UTS2B: variants seen among roughly 807,000 people sequenced by gnomAD.
The protein encoded by UTS2B is urotensin-2B.
Under a neutral mutation model 19.2 loss-of-function variants are expected in UTS2B, and 21 were observed. The observed-to-expected ratio is 1.09, with a 90% CI of 0.78 to 1.58. The LOEUF (loss-of-function observed/expected upper bound fraction) is 1.58. UTS2B is among the 40% of genes most tolerant of loss of function. The probability of loss-of-function intolerance (pLI) is 0.00; values close to 1 mark genes in which losing one functional copy is unlikely to be tolerated. For synonymous variants in UTS2B, 57 were observed against 50.2 expected (o/e 1.14, Z -0.58); for missense variants, 138 against 130.3 (o/e 1.06, Z -0.29).
At chr3:191,334,151 CAT>C (rs1203310107), upstream of UTS2B, among the ~76,000 whole-genome samples, 1 of 152,140 alleles carries the variant, frequency 6.6e-6, no homozygotes, top group East Asian at 1.9e-4. Context: ...CTGTGTGCCA[CAT>C]GTTGTGTTGA....
intron 4 of UTS2B, among the ~76,000 whole-genome samples, chr3:191,288,435 C>A (rs2603670): frequency 0.51 from 76,831 of 151,894 alleles, 21,167 homozygotes; most frequent in Middle Eastern, 0.63. Flanking sequence ...GATAAATAGA[C>A]AAATGGAATA....
At chr3:191,277,818 C>A (rs972763570) in intron 6 of UTS2B, among the ~76,000 whole-genome samples, 58 of 151,572 alleles carry the variant, frequency 3.8e-4, no homozygotes, top group African/African-American at 1.3e-3. Context: ...ATAAAGGTAA[C>A]CTTTTTTTTT....
At chr3:191,285,119 G>A (rs916850276) in intron 4 of UTS2B, among the ~76,000 whole-genome samples, 2 of 152,162 alleles carry the variant, frequency 1.3e-5, no homozygotes, top group African/African-American at 2.4e-5. Flanking sequence ...GTTAAAAATA[G>A]TGCTTTAGAT....
At chr3:191,321,211 G>C (rs2108613077) in intron 2 of UTS2B, among the ~76,000 whole-genome samples, 1 of 152,202 alleles carries the variant, frequency 6.6e-6, no homozygotes, top group Non-Finnish European at 1.5e-5. Context: ...GGAGGGGTGG[G>C]AGTGGTTAGT....
At chr3:191,342,767 G>A in the UTS2B span, among the ~76,000 whole-genome samples, 5 of 152,158 alleles carry the variant, frequency 3.3e-5, no homozygotes, top group Non-Finnish European at 7.3e-5. Context: ...GGGATACATG[G>A]AATAAAAATA....
Position 191,283,992 on chromosome 3 carries a change from A to G in UTS2B, c.-124-1679T>C, listed in dbSNP as rs181342542. On this transcript the variant is annotated intron_variant, in intron 4 of 8. Coordinates refer to ENST00000340524, the MANE Select transcript of UTS2B (RefSeq NM_198152.5). Reference sequence around the variant, plus strand: ...TAATGTCATGTGATGTAGAGAGAATATATAAATATGATGAAAGATTGTATA... The same window carrying G: ...TAATGTCATGTGATGTAGAGAGAATGTATAAATATGATGAAAGATTGTATA... 1.9e-3 allele frequency among the ~76,000 whole-genome samples: 284 copies of G among 152,290 alleles called. 4 individuals carry two copies. The South Asian group carries it at 0.029, about 15-fold the overall frequency.
At chr3:191,332,805 G>T (rs1050044286), upstream of UTS2B, among the ~76,000 whole-genome samples, 1 of 152,178 alleles carries the variant, frequency 6.6e-6, no homozygotes, top group African/African-American at 2.4e-5. Context: ...TGCTCTCCAA[G>T]TTCCTGTATC....
intron 2 of UTS2B, among the ~76,000 whole-genome samples, chr3:191,325,440 T>C (rs6779253): frequency 0.26 from 38,904 of 152,088 alleles, 6,191 homozygotes; most frequent in East Asian, 0.45. Context: ...AGGTGACCCC[T>C]GAGTTCCAGT....
chr3:191,273,958 C>T (rs1225824742), intron 8 of UTS2B, among the ~76,000 whole-genome samples: 3 of 152,066 alleles, frequency 2.0e-5, no homozygotes, highest in South Asian at 2.1e-4. Context: ...AAAACTTAGC[C>T]GGGAGTGATG....
chr3:191,328,086 G>A (rs149325454), intron 2 of UTS2B: 28 of 152,268 alleles, frequency 1.8e-4, no homozygotes, highest in African/African-American at 5.3e-4. Flanking sequence ...ATTCAGTGGC[G>A]TAGATTTGGC....
chr3:191,280,320 T>A (rs1447015146), intron 5 of UTS2B, among the ~76,000 whole-genome samples: 1 of 152,168 alleles, frequency 6.6e-6, no homozygotes, highest in African/African-American at 2.4e-5. Context: ...TCAGGCACAC[T>A]TTTATATGGT....
At chr3:191,331,952 CA>C (rs1350872043), upstream of UTS2B, among the ~76,000 whole-genome samples, 2 of 152,014 alleles carry the variant, frequency 1.3e-5, no homozygotes, top group African/African-American at 2.4e-5. Context: ...GAACCCCATT[CA>C]AAAAAATCCC....
intron 1 of UTS2B, chr3:191,329,580 C>G (rs1251263709): frequency 1.5e-6 from 2 of 1,335,496 alleles, no homozygotes; most frequent in African/African-American, 3.1e-5. Flanking sequence ...GACTTTGCGC[C>G]GCGTCCGGCG....
At chr3:191,289,364 G>A (rs1000262574) in intron 4 of UTS2B, among the ~76,000 whole-genome samples, 7 of 151,524 alleles carry the variant, frequency 4.6e-5, no homozygotes, top group African/African-American at 1.7e-4. Context: ...AGTGGAGATT[G>A]CGCCACTGCA....
the UTS2B span, among the ~76,000 whole-genome samples, chr3:191,343,218 C>G: frequency 7.9e-5 from 12 of 152,164 alleles, no homozygotes; most frequent in African/African-American, 2.2e-4. Context: ...GATGACTGTA[C>G]TTATGATGGC....
intron 4 of UTS2B, among the ~76,000 whole-genome samples, chr3:191,301,483 ATTT>A (rs750203551): frequency 7.0e-5 from 8 of 113,838 alleles, no homozygotes; most frequent in East Asian, 2.5e-4. Context: ...ATTTTTGGTA[ATTT>A]TTTTTTTTTT....
intron 4 of UTS2B, among the ~76,000 whole-genome samples, chr3:191,291,055 G>C (rs552927002): frequency 1.4e-4 from 20 of 145,080 alleles, no homozygotes; most frequent in African/African-American, 5.0e-4. Flanking sequence ...CTGACAAGAC[G>C]GTGCTTGGAG....
Position 191,267,744 on chromosome 3 carries a change from G to A in UTS2B, c.*672C>T, listed in dbSNP as rs1349873559. 6.6e-6 allele frequency: 1 copy of A among 152,060 alleles called. No individual in the cohort carries two copies. The highest frequency in any genetic ancestry group is 1.5e-5 in the Non-Finnish European group (1 of 68,024). The allele number at this position is 152,060 out of a possible 1,614,324, so 9.4% of individuals were successfully genotyped here. The stretch of plus-strand genomic sequence containing the variant: ...GAAGTAATTCTTTAACATAACATTT[G>A]TATGTAGAAGTACAGTACATTTGTA... On this transcript the variant is annotated 3_prime_UTR_variant, in exon 9 of 9. Transcript: ENST00000340524.
At chr3:191,293,881 G>T (rs551768150) in intron 4 of UTS2B, among the ~76,000 whole-genome samples, 97 of 151,846 alleles carry the variant, frequency 6.4e-4, no homozygotes, top group Non-Finnish European at 1.2e-3. Context: ...GGGGAGTCGG[G>T]GCGGATCTCC....
Sources: gnomAD v4.1 joint callset for allele counts (sites outside exome capture counted in the v4.1 genomes callset) on GRCh38, gnomAD v4.1.1 for gene constraint, MANE v1.5 for transcripts, NCBI Gene and HGNC (gene_info 2026-07-23, HGNC 2026-07-21) for gene names.